The following PER2 variants were observed in gnomAD, a reference collection of about 807,000 sequenced individuals.
The protein encoded by PER2 is period circadian regulator 2, also known as period circadian protein homolog 2.
Under a neutral mutation model 121.0 loss-of-function variants are expected in PER2, and 66 were observed. That is an observed-to-expected ratio of 0.55 (90% CI 0.45 to 0.67). PER2 has a LOEUF of 0.67. Ranked by LOEUF, PER2 falls within the 30% of genes least tolerant of loss-of-function variation. The pLI, the probability that PER2 is intolerant of heterozygous loss-of-function variation, is 0.00. For synonymous variants in PER2, 684 were observed against 659.9 expected (o/e 1.04, Z -0.56); for missense variants, 1,521 against 1,635.0 (o/e 0.93, Z 1.20).
At chr2:238,256,049 C>T (rs1457042871) in intron 17 of PER2, 138 bp from the exon 18 acceptor site, 1 of 1,111,356 alleles carries the variant, frequency 9.0e-7, no homozygotes. Context: ...ATGAGACTCA[C>T]AGCGTTTTCA....
At chr2:238,257,577 C>G (rs956648373) in intron 16 of PER2, among the ~76,000 whole-genome samples, 77 of 152,300 alleles carry the variant, frequency 5.1e-4, no homozygotes, top group African/African-American at 1.6e-3. Flanking sequence ...AGGTACAAGC[C>G]ATTCTCCTGC....
In PER2 at chr2:238,277,722, G is replaced by A. The variant is rs142033533; in HGVS notation, c.215C>T (p.Pro72Leu). Residue 72 changes from proline to leucine, a missense_variant, in exon 2 of 23, where the codon CCG (proline) becomes CTG (leucine). Coordinates refer to ENST00000254657, the MANE Select transcript of PER2 (RefSeq NM_022817.3). ...CTGAACTCACCTCTGGCGGGCATCC[G>A]GTGGCTCCACCAGCATCCCCAGCTC... ...GKELGMLVEP[P>L]DARQSPDTFS... The A allele has an allele frequency of 1.7e-4, 272 of 1,614,124 alleles. No homozygotes were observed. In the African/African-American group the frequency reaches 2.9e-3, roughly 17 times the overall value.
intron 1 of PER2, among the ~76,000 whole-genome samples, chr2:238,281,901 C>T (rs1378438094): frequency 1.3e-5 from 2 of 152,156 alleles, no homozygotes; most frequent in Non-Finnish European, 2.9e-5. Context: ...TGTGTGAGCA[C>T]TGAATATAAA....
chr2:238,244,249 G>C lies in PER2; in HGVS notation c.*2126C>G, dbSNP rs952334655. 1 of 152,520 alleles carries C rather than the reference G, an allele frequency of 6.6e-6. No individual in the cohort carries two copies. Among genetic ancestry groups the C allele is most frequent in the African/African-American group, 2.4e-5 (1 of 41,442 alleles). The allele number at this position is 152,520 out of a possible 1,614,324, so 9.4% of individuals were successfully genotyped here. A position where few individuals can be genotyped will look rare whatever the true frequency, so the allele number is the denominator to read the frequency against. On this transcript the variant is annotated 3_prime_UTR_variant, in exon 23 of 23. Coordinates refer to ENST00000254657, the MANE Select transcript of PER2 (RefSeq NM_022817.3). ...CTCTTCGGGAATATATTAAAAAGAA[G>C]GCTCAGTTTAAAATAGAGAAAAACT...
At position 238,248,380 on chromosome 2, in the gene PER2, C is replaced by T. The variant is rs576179482; in HGVS notation, c.3618+682G>A. On this transcript the variant is annotated intron_variant, in intron 22 of 22. Coordinates refer to ENST00000254657, the MANE Select transcript of PER2 (RefSeq NM_022817.3). ...AGGGGCTGGAGTGCCCACAGGGCCG[C>T]TGGAAGGACATGTGCCTGAGAGCAC... Among the ~76,000 whole-genome samples the T allele has an allele frequency of 1.0e-3, 155 of 152,288 alleles. 1 individual carries two copies. The highest frequency in any genetic ancestry group is 2.1e-3 in the South Asian group (10 of 4,828).
At chr2:238,262,480 T>G (rs1695965682) in intron 10 of PER2, 136 bp from the exon 11 acceptor site, 1 of 781,518 alleles carries the variant, frequency 1.3e-6, no homozygotes, top group African/African-American at 1.7e-5. Flanking sequence ...TCAAAGCCAC[T>G]GCTTTCAACC....
chr2:238,277,380 C>A (rs530054439), intron 2 of PER2, among the ~76,000 whole-genome samples, 187 bp from the exon 3 acceptor site: 1 of 152,248 alleles, frequency 6.6e-6, no homozygotes, highest in African/African-American at 2.4e-5. Context: ...TACCAGGACA[C>A]AGAAACACAT....
At chr2:238,299,602 C>T in the PER2 span, 1 of 151,026 alleles carries the variant, frequency 6.6e-6, no homozygotes, top group South Asian at 2.1e-4. Flanking sequence ...AGGCTACAAA[C>T]GAGACTAAAG....
chr2:238,262,506 A>G (rs948180593), intron 10 of PER2, among the ~76,000 whole-genome samples, 162 bp from the exon 11 acceptor site: 3 of 152,172 alleles, frequency 2.0e-5, no homozygotes, highest in African/African-American at 7.2e-5. Flanking sequence ...TTTTTGCTGT[A>G]GATTACCAGG....
In PER2 at chr2:238,265,524, T is replaced by A; in HGVS notation, c.1034A>T (p.Asp345Val). ...CAAGACCACGTACCTTTCATCCACA[T>A]CCTGGAACAAACAATTTGGTGTATG... Reference protein sequence around the residue: ...TTHTPNCLFQDVDERAVPLLG... With the variant: ...TTHTPNCLFQVVDERAVPLLG... The change falls in exon 9 of 23, where the codon GAT becomes GTT. Residue 345 changes from aspartate (D) to valine (V), a missense_variant. By Grantham distance (152) the Asp-to-Val change is radical (BLOSUM62 -3). Transcript: ENST00000254657. The A allele has an allele frequency of 6.2e-7, 1 of 1,608,952 alleles. No individual in the cohort carries two copies. The highest frequency in any genetic ancestry group is 8.5e-7 in the Non-Finnish European group (1 of 1,175,294).
chr2:238,264,996 T>C (rs1411661846), intron 9 of PER2, among the ~76,000 whole-genome samples: 3 of 152,120 alleles, frequency 2.0e-5, no homozygotes, highest in African/African-American at 4.8e-5. Flanking sequence ...AGAAGATGCA[T>C]GGTGGGGGCA....
At position 238,260,824 on chromosome 2, in the gene PER2, G is replaced by A. The variant is rs7603349; in HGVS notation, c.1542+4C>T. 2,035 of 1,613,920 alleles carry A rather than the reference G, an allele frequency of 1.3e-3. 1 individual carries two copies. Among genetic ancestry groups the A allele is most frequent in the Non-Finnish European group, 1.6e-3 (1,873 of 1,179,934 alleles). ...TTTCTCAGGGAGAATGGAAGGAGAC[G>A]TACGGCTCTCCTCCGGCGTGAGTCC... On this transcript the variant is annotated splice_donor_region_variant and intron_variant, in intron 13 of 22. Coordinates refer to ENST00000254657, the MANE Select transcript of PER2 (RefSeq NM_022817.3).
chr2:238,295,888 C>A, the PER2 span: 1 of 211,876 alleles, frequency 4.7e-6, no homozygotes, highest in Non-Finnish European at 9.7e-6. Flanking sequence ...TCTGGCCCTG[C>A]TGCCACCCAC....
upstream of PER2, among the ~76,000 whole-genome samples, chr2:238,293,827 A>G (rs1217148123): frequency 6.6e-6 from 1 of 152,100 alleles, no homozygotes; most frequent in African/African-American, 2.4e-5. Context: ...GGGAGGGGGT[A>G]GCAGTGGGTA....
chr2:238,248,990 A>C, intron 22 of PER2, 72 bp downstream of exon 22: 1 of 1,500,514 alleles, frequency 6.7e-7, no homozygotes, highest in South Asian at 1.1e-5. Context: ...GAAAAGTTGC[A>C]AAGACAGTAC....
intron 1 of PER2, among the ~76,000 whole-genome samples, chr2:238,287,418 G>A (rs746986068): frequency 6.6e-6 from 1 of 152,260 alleles, no homozygotes; most frequent in Non-Finnish European, 1.5e-5. Context: ...AGAAGCCCCA[G>A]GTGGGGGTAG....
intron 6 of PER2, among the ~76,000 whole-genome samples, chr2:238,270,326 AT>A (rs1266030043): frequency 6.6e-6 from 1 of 152,210 alleles, no homozygotes; most frequent in East Asian, 1.9e-4. Flanking sequence ...TATGAAATCA[AT>A]TGGGCAACCT....
At chr2:238,250,351 C>T (rs1040975191) in intron 21 of PER2, among the ~76,000 whole-genome samples, 200 bp downstream of exon 21, 1 of 152,256 alleles carries the variant, frequency 6.6e-6, no homozygotes, top group African/African-American at 2.4e-5. Flanking sequence ...CTTATCCTGG[C>T]CACACTGCAG....
In PER2 at chr2:238,251,738, C is replaced by G. The variant is rs751911895; in HGVS notation, c.3135G>C (p.Gln1045His). Residue 1045 changes from glutamine to histidine, a missense_variant, in exon 20 of 23, where the codon CAG (glutamine) becomes CAC (histidine). Coordinates refer to ENST00000254657, the MANE Select transcript of PER2 (RefSeq NM_022817.3). Reference protein sequence around the residue: ...PLTRDEPSDTQNSDALSTSSG... With the variant: ...PLTRDEPSDTHNSDALSTSSG... ...TTGACGTGGAAAGGGCGTCACTGTT[C>G]TGTGTGTCTGAGGGTTCATCACGCT... 1 of 1,601,808 alleles carries G rather than the reference C, an allele frequency of 6.2e-7. No homozygotes were observed.
Sources: gnomAD v4.1 joint callset for allele counts (sites outside exome capture counted in the v4.1 genomes callset) on GRCh38, gnomAD v4.1.1 for gene constraint, MANE v1.5 for transcripts, NCBI Gene and HGNC (gene_info 2026-07-23, HGNC 2026-07-21) for gene names.